The following ZBTB20 variants were observed in gnomAD, a reference collection of about 807,000 sequenced individuals.
ZBTB20 encodes zinc finger and BTB domain containing 20.
ZBTB20 carries 9 observed loss-of-function variants against 56.9 expected under a neutral mutation model. The observed-to-expected ratio is 0.16, with a 90% confidence interval of 0.10 to 0.28. The LOEUF is 0.28. ZBTB20 is among the 10% of genes least tolerant of loss of function. The pLI is 1.00. For synonymous variants in ZBTB20, 417 were observed against 420.7 expected, an observed-to-expected ratio of 0.99 and a Z score of 0.11; for missense variants, 655 against 1,003.0, an observed-to-expected ratio of 0.65 and a Z score of 4.69.
chr3:114,650,726 G>C (rs1199341649), intron 6 of ZBTB20, among the ~76,000 whole-genome samples: 4 of 151,818 alleles, frequency 2.6e-5, no homozygotes, highest in African/African-American at 9.7e-5. Context: ...TCTTAAAGCT[G>C]TCTAAGTATA....
intron 3 of ZBTB20, among the ~76,000 whole-genome samples, chr3:114,968,518 C>T (rs772151250): frequency 6.6e-6 from 1 of 152,144 alleles, no homozygotes; most frequent in Admixed American, 6.5e-5. Context: ...CTTGGAATGC[C>T]TTTGAATAAG....
At chr3:114,375,288 T>C (rs755017235) in intron 10 of ZBTB20, among the ~76,000 whole-genome samples, 4 of 152,202 alleles carry the variant, frequency 2.6e-5, no homozygotes, top group Non-Finnish European at 4.4e-5. Flanking sequence ...CCATAGAGTA[T>C]TGCTACTAAC....
In ZBTB20 at chr3:114,768,492, A is replaced by C. The variant is rs560741704; in HGVS notation, c.-343+32609T>G. On this transcript the variant is annotated intron_variant, in intron 5 of 11. Transcript: ENST00000675478. Reference sequence around the variant, plus strand: ...AACACCATTTAATATTGTGATTAGCAACTCATCAGACATATAGGAAATTAC... The same window carrying C: ...AACACCATTTAATATTGTGATTAGCCACTCATCAGACATATAGGAAATTAC... 1.2e-4 allele frequency among the ~76,000 whole-genome samples: 19 copies of C among 152,230 alleles called. No individual in the cohort carries two copies. In the South Asian group the frequency reaches 3.9e-3, roughly 32 times the overall value.
chr3:114,917,393 G>C (rs1178341544), intron 3 of ZBTB20, among the ~76,000 whole-genome samples: 1 of 152,160 alleles, frequency 6.6e-6, no homozygotes, highest in East Asian at 1.9e-4. Context: ...ATGAGGTCAT[G>C]TCTTCCTGGA....
At chr3:114,440,917 C>T (rs534375342) in intron 7 of ZBTB20, among the ~76,000 whole-genome samples, 17 of 152,294 alleles carry the variant, frequency 1.1e-4, no homozygotes, top group African/African-American at 4.1e-4. Context: ...GGGCTGTCCT[C>T]TCTGAGTCCC....
At chr3:114,859,212 C>T (rs2075384094) in intron 4 of ZBTB20, among the ~76,000 whole-genome samples, 1 of 150,992 alleles carries the variant, frequency 6.6e-6, no homozygotes, top group Admixed American at 6.6e-5. Flanking sequence ...TCGTTCCTTC[C>T]TTTCCTCCTT....
At chr3:114,424,321 G>A (rs1037519486) in intron 7 of ZBTB20, among the ~76,000 whole-genome samples, 16 of 152,160 alleles carry the variant, frequency 1.1e-4, no homozygotes, top group Admixed American at 6.5e-5. Context: ...GGAAACTAGA[G>A]AAGGGGCAGA....
intron 7 of ZBTB20, among the ~76,000 whole-genome samples, chr3:114,464,427 T>C (rs978123032): frequency 9.3e-4 from 142 of 152,316 alleles, no homozygotes; most frequent in African/African-American, 3.4e-3. Context: ...TTCTGCACAG[T>C]GATGGTGATG....
intron 10 of ZBTB20, among the ~76,000 whole-genome samples, chr3:114,362,935 C>T (rs751312825): frequency 1.3e-5 from 2 of 152,040 alleles, no homozygotes; most frequent in Non-Finnish European, 2.9e-5. Context: ...TTTATATGTA[C>T]ATTAACAGTA....
intron 2 of ZBTB20, among the ~76,000 whole-genome samples, chr3:114,999,250 GAAGGAAAGGAAAGGAGGAGGGAAATGA>G (rs2079152029): frequency 7.0e-6 from 1 of 142,060 alleles, no homozygotes; most frequent in Non-Finnish European, 1.5e-5. Context: ...ATGAAAGCAG[GAAGGAAAGGAAAGGAGGAGGGAAATGA>G]AAGGAAAGGA....
chr3:114,964,159 A>C (rs1349794198), intron 3 of ZBTB20, among the ~76,000 whole-genome samples: 1 of 152,174 alleles, frequency 6.6e-6, no homozygotes, highest in Non-Finnish European at 1.5e-5. Context: ...TTACACCTGT[A>C]ATCTCAGCAC....
intron 6 of ZBTB20, among the ~76,000 whole-genome samples, chr3:114,681,646 A>C (rs2061980775): frequency 6.6e-6 from 1 of 152,206 alleles, no homozygotes; most frequent in Non-Finnish European, 1.5e-5. Flanking sequence ...GAGTAGTGGG[A>C]AAGATAGCAA....
chr3:115,018,647 C>A (rs1274439731), intron 2 of ZBTB20, among the ~76,000 whole-genome samples: 3 of 151,230 alleles, frequency 2.0e-5, no homozygotes, highest in African/African-American at 4.8e-5. Flanking sequence ...CACTGACCAA[C>A]AAGAAACAAA....
intron 7 of ZBTB20, among the ~76,000 whole-genome samples, chr3:114,471,496 A>G (rs545260261): frequency 1.3e-5 from 2 of 152,232 alleles, no homozygotes; most frequent in Non-Finnish European, 2.9e-5. Context: ...GTGGGAACAG[A>G]TGAGGAAACA....
At position 114,564,391 on chromosome 3, in the gene ZBTB20, G is replaced by A. The variant is rs577869363; in HGVS notation, c.-294-64000C>T. Among the ~76,000 whole-genome samples, 5 of 152,226 alleles carry A rather than the reference G, an allele frequency of 3.3e-5. No individual in the cohort carries two copies. The South Asian group carries it at 6.2e-4, about 19-fold the overall frequency. ...CATTAATCTGTCTGTCACAGAGACC[G>A]AAATATTCTAGGTACCCAAATTTCA... On this transcript the variant is annotated intron_variant, in intron 6 of 11. Coordinates refer to ENST00000675478, the MANE Select transcript of ZBTB20 (RefSeq NM_001348800.3).
intron 5 of ZBTB20, among the ~76,000 whole-genome samples, chr3:114,798,016 A>C (rs1361782069): frequency 6.6e-6 from 1 of 151,988 alleles, no homozygotes; most frequent in African/African-American, 2.4e-5. Flanking sequence ...AGAGCAAGTA[A>C]TTCATTTTAA....
chr3:115,121,914 C>T (rs1157086214), intron 1 of ZBTB20, among the ~76,000 whole-genome samples: 1 of 151,900 alleles, frequency 6.6e-6, no homozygotes, highest in Non-Finnish European at 1.5e-5. Context: ...AGAAAGATCT[C>T]CTCATTTTTA....
chr3:114,530,956 G>T (rs892793071), intron 6 of ZBTB20, among the ~76,000 whole-genome samples: 9 of 151,824 alleles, frequency 5.9e-5, no homozygotes, highest in African/African-American at 2.2e-4. Flanking sequence ...CTAGTGTTCT[G>T]CTCTGAGTTT....
intron 1 of ZBTB20, among the ~76,000 whole-genome samples, chr3:115,089,037 T>C (rs1032544798): frequency 1.3e-5 from 2 of 151,904 alleles, no homozygotes; most frequent in African/African-American, 4.8e-5. Flanking sequence ...AAGAAATTAC[T>C]GGACTGATTA....
Sources: gnomAD v4.1 joint callset for allele counts (sites outside exome capture counted in the v4.1 genomes callset) on GRCh38, gnomAD v4.1.1 for gene constraint, MANE v1.5 for transcripts, NCBI Gene and HGNC (gene_info 2026-07-23, HGNC 2026-07-21) for gene names.